Variants in ATP10A observed in about 807,000 individuals in gnomAD.
ATP10A encodes ATPase phospholipid transporting 10A (putative).
Under a neutral mutation model 147.8 loss-of-function variants are expected in ATP10A, and 111 were observed. The ratio of observed to expected loss-of-function variants is 0.75; its 90% CI spans 0.64 to 0.88. ATP10A has a LOEUF of 0.88. Ranked by LOEUF, ATP10A falls within the 40% of genes least tolerant of loss-of-function variation. The pLI is 0.00. For missense variants in ATP10A, 1,927 were observed against 1,959.0 expected, an observed-to-expected ratio of 0.98 and a Z score of 0.31; for synonymous variants, 875 against 841.6, an observed-to-expected ratio of 1.04 and a Z score of -0.69.
chr15:25,758,764 T>C (rs61994075), intron 2 of ATP10A, among the ~76,000 whole-genome samples: 2,914 of 15,658 alleles, frequency 0.19, 21 homozygotes, highest in Middle Eastern at 0.34. Flanking sequence ...CTCATTCCGA[T>C]CACCTGCTCC....
chr15:25,862,799 C>A lies in ATP10A; in HGVS notation c.298G>T (p.Val100Leu), dbSNP rs140289242. 3 of 1,610,470 alleles carry A rather than the reference C, an allele frequency of 1.9e-6. No individual in the cohort carries two copies. In the South Asian group the frequency reaches 3.3e-5, roughly 18 times the overall value. ...YFVFIALLNFVPAVNAFQPGL... is the reference protein window; with the variant it reads ...YFVFIALLNFLPAVNAFQPGL... ...GGCTGGAAGGCGTTCACCGCCGGCA[C>A]GAAGTTGAGCAGCGCGATGAAGACA... Residue 100 changes from valine (V) to leucine (L), a missense_variant, in exon 1 of 21, where the codon GTG becomes TTG. By Grantham distance (32) the Val-to-Leu change is conservative. Transcript: ENST00000555815.
intron 1 of ATP10A, among the ~76,000 whole-genome samples, chr15:25,825,251 A>G (rs1358473637): frequency 6.6e-6 from 1 of 152,146 alleles, no homozygotes; most frequent in Non-Finnish European, 1.5e-5. Context: ...AGAACATCTG[A>G]GATGGTGGCT....
intron 2 of ATP10A, 142 bp downstream of exon 2, chr15:25,780,877 C>T: frequency 1.2e-6 from 1 of 866,228 alleles, no homozygotes; most frequent in Non-Finnish European, 1.8e-6. Flanking sequence ...GGGGTCCTCT[C>T]AGACCCTCAG....
intron 1 of ATP10A, among the ~76,000 whole-genome samples, chr15:25,815,281 G>A (rs1194171726): frequency 6.6e-6 from 1 of 152,180 alleles, no homozygotes; most frequent in African/African-American, 2.4e-5. Context: ...AATGTTTCAC[G>A]TGACTTCCAG....
Position 25,716,725 on chromosome 15 carries a change from C to T in ATP10A, c.1776+5G>A. On this transcript the variant is annotated splice_donor_5th_base_variant and intron_variant, in intron 9 of 20. Transcript: ENST00000555815. ...GGTCAAGCTCAGGGACCCTCCAGAA[C>T]TTGCCTTTGTTCGTGGCTGATCCGG... 1 of 1,571,208 alleles carries T rather than the reference C, an allele frequency of 6.4e-7. No homozygotes were observed. Among genetic ancestry groups the T allele is most frequent in the Non-Finnish European group, 8.6e-7 (1 of 1,156,600 alleles).
chr15:25,790,689 C>T (rs555873924), intron 1 of ATP10A, among the ~76,000 whole-genome samples: 2 of 152,230 alleles, frequency 1.3e-5, no homozygotes, highest in Non-Finnish European at 1.5e-5. Flanking sequence ...GTATCACTTA[C>T]AAACCTCTTA....
chr15:25,811,120 G>A lies in ATP10A; in HGVS notation c.450-29897C>T, dbSNP rs1180503193. ...CAGCCTTAAGTCCCCAGACAAAATA[G>A]CAAAACAGGTCCTGGACGATTCAGC... On this transcript the variant is annotated intron_variant, in intron 1 of 20. Transcript: ENST00000555815. 2.0e-5 allele frequency among the ~76,000 whole-genome samples: 3 copies of A among 152,180 alleles called. No individual in the cohort carries two copies. In the East Asian group the frequency reaches 5.8e-4, roughly 29 times the overall value.
chr15:25,841,177 C>T (rs1056865841), intron 1 of ATP10A, among the ~76,000 whole-genome samples: 2 of 151,946 alleles, frequency 1.3e-5, no homozygotes, highest in Non-Finnish European at 2.9e-5. Context: ...AGTCTTAGAT[C>T]CCAAAAATGT....
intron 1 of ATP10A, among the ~76,000 whole-genome samples, chr15:25,783,037 A>G (rs976605203): frequency 1.3e-5 from 2 of 151,960 alleles, no homozygotes; most frequent in African/African-American, 4.8e-5. Flanking sequence ...TTAGTTGGGC[A>G]TGGTGGCACG....
At chr15:25,766,130 C>A (rs1889011574) in intron 2 of ATP10A, among the ~76,000 whole-genome samples, 1 of 152,284 alleles carries the variant, frequency 6.6e-6, no homozygotes, top group Admixed American at 6.5e-5. Context: ...AAAGTGGAAA[C>A]CCCTCATAAA....
At chr15:25,764,410 T>C (rs1888918051) in intron 2 of ATP10A, among the ~76,000 whole-genome samples, 1 of 152,130 alleles carries the variant, frequency 6.6e-6, no homozygotes, top group South Asian at 2.1e-4. Context: ...CTTAATTTGA[T>C]GGTATTTGAA....
At chr15:25,768,844 T>C (rs1889174758) in intron 2 of ATP10A, among the ~76,000 whole-genome samples, 1 of 151,984 alleles carries the variant, frequency 6.6e-6, no homozygotes, top group African/African-American at 2.4e-5. Flanking sequence ...CTCTTTTCAC[T>C]ACTGGTGTAA....
At position 25,829,109 on chromosome 15, in the gene ATP10A, T is replaced by G. The variant is rs181712105; in HGVS notation, c.449+33539A>C. 7.9e-5 allele frequency among the ~76,000 whole-genome samples: 12 copies of G among 152,322 alleles called. No individual in the cohort carries two copies. In the East Asian group the frequency reaches 2.3e-3, roughly 29 times the overall value. On this transcript the variant is annotated intron_variant, in intron 1 of 20. Coordinates refer to ENST00000555815, the MANE Select transcript of ATP10A (RefSeq NM_024490.4). Reference sequence around the variant, plus strand: ...GCGGAAAGTCGATGCAAATTTTATTTCCTTCTTTCCCATTTTTCTGGTAAT... The same window carrying G: ...GCGGAAAGTCGATGCAAATTTTATTGCCTTCTTTCCCATTTTTCTGGTAAT...
intron 1 of ATP10A, among the ~76,000 whole-genome samples, chr15:25,845,722 G>C (rs995011458): frequency 1.3e-5 from 2 of 152,128 alleles, no homozygotes; most frequent in African/African-American, 4.8e-5. Context: ...CCTGAGAGCA[G>C]CACAAATGCT....
At chr15:25,798,906 C>T (rs1890808746) in intron 1 of ATP10A, among the ~76,000 whole-genome samples, 1 of 10,906 alleles carries the variant, frequency 9.2e-5, no homozygotes, top group Non-Finnish European at 5.2e-4. Context: ...AGGCCCCCGA[C>T]TGGCTTGAGT....
chr15:25,731,616 T>C (rs921744997), intron 3 of ATP10A, among the ~76,000 whole-genome samples: 1 of 152,098 alleles, frequency 6.6e-6, no homozygotes, highest in Non-Finnish European at 1.5e-5. Flanking sequence ...CTCTGGGAGA[T>C]GACATCTCAG....
intron 7 of ATP10A, 113 bp from the exon 8 acceptor site, chr15:25,718,512 G>T: frequency 9.3e-7 from 1 of 1,075,962 alleles, no homozygotes. Context: ...CAGCCCCACA[G>T]GATTCACCAC....
chr15:25,714,332 G>T, intron 9 of ATP10A, 91 bp from the exon 10 acceptor site: 1 of 1,230,112 alleles, frequency 8.1e-7, no homozygotes, highest in Non-Finnish European at 1.1e-6. Flanking sequence ...CCAGGCACTT[G>T]GAGGAACAAT....
At chr15:25,677,219 T>C (rs550644500), downstream of ATP10A, 3 of 152,336 alleles carry the variant, frequency 2.0e-5, no homozygotes, top group African/African-American at 4.8e-5. Context: ...TACTGCTTTT[T>C]TGAGATAATC....
Sources: gnomAD v4.1 joint callset for allele counts (sites outside exome capture counted in the v4.1 genomes callset) on GRCh38, gnomAD v4.1.1 for gene constraint, MANE v1.5 for transcripts, NCBI Gene and HGNC (gene_info 2026-07-23, HGNC 2026-07-21) for gene names.